Variants in SKAP1 observed in about 807,000 individuals in gnomAD.
SKAP1 encodes src kinase-associated phosphoprotein 1.
Under a neutral mutation model 58.5 loss-of-function variants are expected in SKAP1, and 44 were observed. The observed-to-expected ratio is 0.75, with a 90% CI of 0.59 to 0.97. The LOEUF (loss-of-function observed/expected upper bound fraction) is 0.97, where lower values mean the gene tolerates loss of function less well. SKAP1 is among the 50% of genes least tolerant of loss of function. SKAP1 has a pLI of 0.00. For synonymous variants in SKAP1, 127 were observed against 149.7 expected (o/e 0.85, Z 1.11); for missense variants, 390 against 435.2 (o/e 0.90, Z 0.92).
chr17:48,423,308 C>T (rs1338932233), intron 1 of SKAP1, among the ~76,000 whole-genome samples: 1 of 152,054 alleles, frequency 6.6e-6, no homozygotes, highest in Non-Finnish European at 1.5e-5. Context: ...AATAATGGCA[C>T]AATTTTTAGA....
intron 2 of SKAP1, among the ~76,000 whole-genome samples, chr17:48,379,304 T>C (rs2067186450): frequency 6.6e-6 from 1 of 152,188 alleles, no homozygotes; most frequent in South Asian, 2.1e-4. Context: ...AATGATTTAA[T>C]ACAAATGCTA....
At chr17:48,300,442 C>T (rs183651883) in intron 4 of SKAP1, among the ~76,000 whole-genome samples, 1 of 152,236 alleles carries the variant, frequency 6.6e-6, no homozygotes, top group Admixed American at 6.5e-5. Flanking sequence ...ACAGAAATTC[C>T]TACTTTTGTT....
chr17:48,310,083 A>C (rs1765782453), intron 4 of SKAP1, among the ~76,000 whole-genome samples: 1 of 152,226 alleles, frequency 6.6e-6, no homozygotes, highest in Non-Finnish European at 1.5e-5. Flanking sequence ...ATCTTTTATC[A>C]GAAGCAGTTT....
intron 2 of SKAP1, among the ~76,000 whole-genome samples, chr17:48,372,072 C>T (rs1007805067): frequency 2.0e-5 from 3 of 151,616 alleles, no homozygotes; most frequent in Admixed American, 1.3e-4. Flanking sequence ...CCTGGGTTCA[C>T]GCGATTCTCG....
chr17:48,433,787 A>G (rs1301384048), upstream of SKAP1, among the ~76,000 whole-genome samples: 1 of 152,236 alleles, frequency 6.6e-6, no homozygotes, highest in African/African-American at 2.4e-5. Flanking sequence ...GTCAGCAGAC[A>G]GAAGACACAG....
At chr17:48,209,794 C>T (rs2064849934) in intron 4 of SKAP1, among the ~76,000 whole-genome samples, 1 of 152,078 alleles carries the variant, frequency 6.6e-6, no homozygotes, top group Non-Finnish European at 1.5e-5. Context: ...GAATCAGGCC[C>T]GGTTGTTTTG....
At chr17:48,388,523 T>A (rs2067306511) in intron 2 of SKAP1, among the ~76,000 whole-genome samples, 1 of 152,216 alleles carries the variant, frequency 6.6e-6, no homozygotes, top group Admixed American at 6.5e-5. Context: ...AACACACATG[T>A]ACACCCACAA....
At chr17:48,193,632 C>G (rs549186540) in intron 4 of SKAP1, 2 of 948,100 alleles carry the variant, frequency 2.1e-6, no homozygotes, top group Non-Finnish European at 2.5e-6. Flanking sequence ...AGGTGGGAAT[C>G]CACAGTGGCA....
chr17:48,269,859 T>A, intron 4 of SKAP1, among the ~76,000 whole-genome samples: 1 of 152,140 alleles, frequency 6.6e-6, no homozygotes, highest in South Asian at 2.1e-4. Flanking sequence ...TTTGGGAGGC[T>A]GAGGCGGGAG....
chr17:48,149,754 T>C (rs2063877676), intron 11 of SKAP1, among the ~76,000 whole-genome samples: 1 of 152,238 alleles, frequency 6.6e-6, no homozygotes, highest in South Asian at 2.1e-4. Flanking sequence ...GAGCTCATTA[T>C]GGTTGCAATT....
intron 11 of SKAP1, among the ~76,000 whole-genome samples, chr17:48,157,024 T>C (rs906531746): frequency 6.6e-6 from 1 of 152,216 alleles, no homozygotes; most frequent in African/African-American, 2.4e-5. Context: ...ACTTCCTACA[T>C]GCCAGGCACT....
At position 48,262,017 on chromosome 17, in the gene SKAP1, GC is replaced by G. The variant is rs933008360; in HGVS notation, c.281-72518del. ...TTTCAGTGAGGGTTTGTTTCTTGCTGCCAAGGGTCTGCAACTTCGAATTGCC... is the reference window on the plus strand; with the variant it reads ...TTTCAGTGAGGGTTTGTTTCTTGCTGCAAGGGTCTGCAACTTCGAATTGCC... On this transcript the variant is annotated intron_variant, in intron 4 of 12. Transcript: ENST00000336915. 4.6e-5 allele frequency among the ~76,000 whole-genome samples: 7 copies of G among 152,166 alleles called. No individual in the cohort carries two copies. The East Asian group carries it at 1.2e-3, about 25-fold the overall frequency.
At chr17:48,386,067 C>A (rs1184304861) in intron 2 of SKAP1, among the ~76,000 whole-genome samples, 1 of 152,044 alleles carries the variant, frequency 6.6e-6, no homozygotes, top group Non-Finnish European at 1.5e-5. Flanking sequence ...TTAGAGGAGA[C>A]ACGTGAAGAG....
intron 11 of SKAP1, among the ~76,000 whole-genome samples, chr17:48,146,479 C>A (rs1330702330): frequency 1.5e-5 from 2 of 130,878 alleles, no homozygotes; most frequent in African/African-American, 5.3e-5. Flanking sequence ...GGCAACAGAG[C>A]GAGACTCCAT....
In SKAP1 at chr17:48,320,731, C is replaced by T. The variant is rs547502184; in HGVS notation, c.280+25174G>A. Among the ~76,000 whole-genome samples, 4 of 151,854 alleles carry T rather than the reference C, an allele frequency of 2.6e-5. No individual in the cohort carries two copies. In the East Asian group the frequency reaches 7.7e-4, roughly 29 times the overall value. The stretch of plus-strand genomic sequence containing the variant: ...GAGTTTGAGACCAGCCTGGGCAGCA[C>T]AGTGAGATCCCATCTCTACCTCCAC... On this transcript the variant is annotated intron_variant, in intron 4 of 12. Transcript: ENST00000336915.
intron 11 of SKAP1, among the ~76,000 whole-genome samples, chr17:48,138,845 G>GA (rs2063734696): frequency 6.6e-6 from 1 of 151,682 alleles, no homozygotes; most frequent in Non-Finnish European, 1.5e-5. Flanking sequence ...GATAGCACCA[G>GA]AAAATGTTTT....
intron 11 of SKAP1, among the ~76,000 whole-genome samples, chr17:48,139,566 C>T (rs908918842): frequency 6.6e-6 from 1 of 152,158 alleles, no homozygotes; most frequent in African/African-American, 2.4e-5. Context: ...CTTCTTTGTA[C>T]ACTTGGTTGC....
intron 4 of SKAP1, among the ~76,000 whole-genome samples, chr17:48,280,377 G>A (rs1448926800): frequency 6.6e-6 from 1 of 151,964 alleles, no homozygotes; most frequent in African/African-American, 2.4e-5. Context: ...GGCTGAGGCA[G>A]GAGAATCACT....
rs764047476 is a variant in SKAP1, at chr17:48,184,715, C to T, written c.567+8G>A. 3.7e-6 allele frequency: 6 copies of T among 1,613,712 alleles called. No homozygotes were observed. Among genetic ancestry groups the T allele is most frequent in the Non-Finnish European group, 5.1e-6 (6 of 1,179,838 alleles). ...AAGAAGGATCACCATCTCCTTGATG[C>T]GTCCTACCTCATAGCTGCGCCTATC... On this transcript the variant is annotated splice_region_variant and intron_variant, in intron 7 of 12. Transcript: ENST00000336915.
Sources: gnomAD v4.1 joint callset for allele counts (sites outside exome capture counted in the v4.1 genomes callset) on GRCh38, gnomAD v4.1.1 for gene constraint, MANE v1.5 for transcripts, NCBI Gene and HGNC (gene_info 2026-07-23, HGNC 2026-07-21) for gene names.